The following ZNF528 variants were observed in gnomAD, a reference collection of about 807,000 sequenced individuals.
The protein encoded by ZNF528 is zinc finger protein 528.
In ZNF528, 9 loss-of-function variants were observed where a neutral mutation model predicts 13.3. The observed-to-expected ratio is 0.67, with a 90% confidence interval of 0.41 to 1.18. The LOEUF is 1.18. ZNF528 is among the 50% of genes most tolerant of loss of function. The probability of loss-of-function intolerance (pLI) is 0.01; values close to 1 mark genes in which losing one functional copy is unlikely to be tolerated. For missense variants in ZNF528, 858 were observed against 745.4 expected (o/e 1.15, Z -1.76); for synonymous variants, 264 against 254.3 (o/e 1.04, Z -0.36).
chr19:52,409,012 A>C (rs185265806), intron 6 of ZNF528, among the ~76,000 whole-genome samples: 88 of 152,286 alleles, frequency 5.8e-4, no homozygotes, highest in Middle Eastern at 3.4e-3. Flanking sequence ...AAAGTCTAAA[A>C]TTCGCCTTTA....
At chr19:52,414,222 A>T in intron 6 of ZNF528, 1 of 702,454 alleles carries the variant, frequency 1.4e-6, no homozygotes, top group Middle Eastern at 2.3e-4. Context: ...CTCCAGCAGA[A>T]CCTTCTTTGT....
chr19:52,414,482 G>T, intron 6 of ZNF528: 1 of 586,234 alleles, frequency 1.7e-6, no homozygotes, highest in South Asian at 2.1e-5. Context: ...GGAGGGGGTG[G>T]TTATTGGTCA....
Position 52,406,629 on chromosome 19 carries a change from A to G in ZNF528, c.257A>G (p.Lys86Arg), listed in dbSNP as rs1407843153. Residue 86 changes from lysine to arginine, a missense_variant, in exon 6 of 7, where the codon AAA becomes AGA. Physicochemically the swap from Lys to Arg is conservative, Grantham distance 26. Coordinates refer to ENST00000360465, the MANE Select transcript of ZNF528 (RefSeq NM_032423.3). ...GATCCAGACGGCAGGGAGTGCATCA[A>G]AGGTGTGAACACAGGTGAGAGCTCG... ...ANDPDGRECI[K>R]GVNTERSSKL... is the part of the protein sequence containing the mutation. 6.2e-6 allele frequency: 10 copies of G among 1,613,606 alleles called. No homozygotes were observed. The highest frequency in any genetic ancestry group is 8.5e-6 in the Non-Finnish European group (10 of 1,179,840).
chr19:52,406,662 AG>A lies in ZNF528; in HGVS notation c.271+20del. On this transcript the variant is annotated intron_variant, in intron 6 of 6. Coordinates refer to ENST00000360465, the MANE Select transcript of ZNF528 (RefSeq NM_032423.3). ...AACACAGGTGAGAGCTCGGGTGGGCAGAGTGGAGGCCCCATAATTTTTGTTT... is the reference window on the plus strand; with the variant it reads ...AACACAGGTGAGAGCTCGGGTGGGCAAGTGGAGGCCCCATAATTTTTGTTT... The A allele has an allele frequency of 6.2e-7, 1 of 1,600,446 alleles. No individual in the cohort carries two copies. Among genetic ancestry groups the A allele is most frequent in the Non-Finnish European group, 8.5e-7 (1 of 1,175,610 alleles).
chr19:52,399,287 A>G (rs929554389), intron 2 of ZNF528, among the ~76,000 whole-genome samples: 1 of 152,226 alleles, frequency 6.6e-6, no homozygotes, highest in African/African-American at 2.4e-5. Flanking sequence ...GAATTGTGAC[A>G]TATTAATTTT....
At position 52,414,478 on chromosome 19, in the gene ZNF528, G is replaced by T. The variant is rs1302876556; in HGVS notation, c.272-646G>T. On this transcript the variant is annotated intron_variant, in intron 6 of 6. Coordinates refer to ENST00000360465, the MANE Select transcript of ZNF528 (RefSeq NM_032423.3). Reference sequence around the variant, plus strand: ...AAAGGAGATGGTGGCAGGGGGAGGGGGTGGTTATTGGTCAGCGGCTTGATT... The same window carrying T: ...AAAGGAGATGGTGGCAGGGGGAGGGTGTGGTTATTGGTCAGCGGCTTGATT... 5 of 585,898 alleles carry T rather than the reference G, an allele frequency of 8.5e-6. No homozygotes were observed. In the Admixed American group the frequency reaches 1.2e-4, roughly 14 times the overall value. 36.3% of individuals were successfully genotyped at this position (585,898 alleles called of 1,614,324 possible).
rs144842640 is a variant in ZNF528 at position 52,416,285 on chromosome 19, C to A, written c.1433C>A (p.Ser478Tyr). Residue 478 changes from serine (S) to tyrosine (Y), a missense_variant, in exon 7 of 7, where the codon TCT becomes TAT. By Grantham distance (144) the Ser-to-Tyr change is moderately radical (BLOSUM62 -2). Coordinates refer to ENST00000360465, the MANE Select transcript of ZNF528 (RefSeq NM_032423.3). ...TGTGGCAAAGTCTTCAGGTACAAGTCTTCTCTAACCAGTCATCATAGAATT... is the reference window on the plus strand; with the variant it reads ...TGTGGCAAAGTCTTCAGGTACAAGTATTCTCTAACCAGTCATCATAGAATT... Reference protein sequence around the residue: ...KECGKVFRYKSSLTSHHRIHT... With the variant: ...KECGKVFRYKYSLTSHHRIHT... 555 of 1,613,966 alleles carry A rather than the reference C, an allele frequency of 3.4e-4. No homozygotes were observed. The highest frequency in any genetic ancestry group is 4.5e-4 in the Non-Finnish European group (529 of 1,180,014).
intron 6 of ZNF528, chr19:52,412,968 A>T (rs1189743150): frequency 6.6e-6 from 1 of 152,184 alleles, no homozygotes; most frequent in Non-Finnish European, 1.5e-5. Context: ...GCCAGTGCAC[A>T]TTTACAATCC....
In ZNF528 at chr19:52,415,395, T is replaced by C; in HGVS notation, c.543T>C (p.Ile181=). 6.2e-7 allele frequency: 1 copy of C among 1,614,104 alleles called. No individual in the cohort carries two copies. The highest frequency in any genetic ancestry group is 2.2e-5 in the East Asian group (1 of 44,874). ...TTCCACAAGAACAGAAAGCACACAT[T>C]AGGGAAAAAGCTTATAAATGTAATG... is the stretch of plus-strand genomic sequence containing the variant. ...PLLPQEQKAH[I]REKAYKCNEH... Residue 181 remains isoleucine (I), a synonymous_variant, in exon 7 of 7, where the codon ATT becomes ATC. Coordinates refer to ENST00000360465, the MANE Select transcript of ZNF528 (RefSeq NM_032423.3).
At chr19:52,410,458 G>A (rs2058916939) in intron 6 of ZNF528, among the ~76,000 whole-genome samples, 1 of 152,218 alleles carries the variant, frequency 6.6e-6, no homozygotes, top group Admixed American at 6.5e-5. Context: ...CACAGTGCCA[G>A]GGAATGATTG....
At chr19:52,406,391 G>A (rs2058856454) in intron 5 of ZNF528, 124 bp from the exon 6 acceptor site, 1 of 1,387,546 alleles carries the variant, frequency 7.2e-7, no homozygotes, top group Non-Finnish European at 9.6e-7. Flanking sequence ...GAAAGAGGCA[G>A]TCAGTAGATG....
chr19:52,400,487 C>A (rs946649947), intron 2 of ZNF528, among the ~76,000 whole-genome samples: 1 of 151,998 alleles, frequency 6.6e-6, no homozygotes, highest in South Asian at 2.1e-4. Flanking sequence ...TCTGAGTCAC[C>A]AGTGACTTCT....
chr19:52,415,360 G>C lies in ZNF528; in HGVS notation c.508G>C (p.Ala170Pro). The change falls in exon 7 of 7, where the codon GCT (alanine) becomes CCT (proline). Residue 170 changes from alanine (A) to proline (P), a missense_variant. Ala to Pro is a conservative substitution (Grantham distance 27). Transcript: ENST00000360465. ...TAAATATAGAAATAATTTTGATCATGCTCCATTACTTCCACAAGAACAGAA... is the reference window on the plus strand; with the variant it reads ...TAAATATAGAAATAATTTTGATCATCCTCCATTACTTCCACAAGAACAGAA... The part of the protein sequence containing the change: ...LNKYRNNFDH[A>P]PLLPQEQKAH... The C allele has an allele frequency of 6.2e-7, 1 of 1,613,152 alleles. No individual in the cohort carries two copies. The highest frequency in any genetic ancestry group is 8.5e-7 in the Non-Finnish European group (1 of 1,179,788).
chr19:52,410,338 G>A (rs1007797377), intron 6 of ZNF528, among the ~76,000 whole-genome samples: 1 of 152,178 alleles, frequency 6.6e-6, no homozygotes, highest in Non-Finnish European at 1.5e-5. Flanking sequence ...GGTAAAAGAG[G>A]GAGAAGGGTG....
intron 6 of ZNF528, chr19:52,408,275 C>T (rs2058884763): frequency 6.6e-6 from 1 of 151,586 alleles, no homozygotes; most frequent in Non-Finnish European, 1.5e-5. Flanking sequence ...AAGTGATTCT[C>T]CTGCCTCAGC....
intron 6 of ZNF528, among the ~76,000 whole-genome samples, chr19:52,410,120 A>G (rs1308876713): frequency 6.6e-6 from 1 of 152,192 alleles, no homozygotes; most frequent in Non-Finnish European, 1.5e-5. Flanking sequence ...TCTTTTACAT[A>G]AGAACTGTAC....
At chr19:52,402,951 A>C (rs542404185) in intron 4 of ZNF528, among the ~76,000 whole-genome samples, 6 of 152,344 alleles carry the variant, frequency 3.9e-5, no homozygotes, top group African/African-American at 1.4e-4. Flanking sequence ...GGATCCATTC[A>C]GCCCAGGAGT....
chr19:52,404,379 C>T (rs2058830351), intron 4 of ZNF528, among the ~76,000 whole-genome samples: 1 of 152,028 alleles, frequency 6.6e-6, no homozygotes, highest in African/African-American at 2.4e-5. Context: ...AAGCGCCTGC[C>T]ACCACACCCA....
chr19:52,401,858 AG>A, intron 3 of ZNF528, 88 bp from the exon 4 acceptor site: 1 of 1,539,456 alleles, frequency 6.5e-7, no homozygotes, highest in Non-Finnish European at 8.8e-7. Flanking sequence ...GGATTACCTC[AG>A]GGTGAGGTCT....
Sources: allele counts gnomAD v4.1 joint callset (sites outside exome capture counted in the v4.1 genomes callset), GRCh38; gene constraint gnomAD v4.1.1; transcripts MANE v1.5; gene names NCBI Gene and HGNC (gene_info 2026-07-23, HGNC 2026-07-21).